PHIP: variants seen among roughly 807,000 people sequenced by gnomAD.
PHIP encodes PHIP subunit of CUL4-Ring ligase complex.
PHIP carries 54 observed loss-of-function variants against 236.8 expected under a neutral mutation model. That is an observed-to-expected ratio of 0.23 (90% CI 0.18 to 0.29). The LOEUF (loss-of-function observed/expected upper bound fraction) is 0.29, where lower values mean the gene tolerates loss of function less well. PHIP is among the 10% of genes least tolerant of loss of function. The probability of loss-of-function intolerance (pLI) is 1.00; values close to 1 mark genes in which losing one functional copy is unlikely to be tolerated. For missense variants in PHIP, 1,370 were observed against 2,190.8 expected (o/e 0.63, Z 7.48); for synonymous variants, 756 against 718.9 (o/e 1.05, Z -0.83).
intron 6 of PHIP, among the ~76,000 whole-genome samples, chr6:79,050,544 T>C (rs1430766529): frequency 6.6e-6 from 1 of 152,224 alleles, no homozygotes; most frequent in Non-Finnish European, 1.5e-5. Context: ...CCAAAGTATG[T>C]ACAGCAGTTA....
At chr6:78,995,639 T>C (rs1769558659) in intron 19 of PHIP, among the ~76,000 whole-genome samples, 1 of 152,262 alleles carries the variant, frequency 6.6e-6, no homozygotes. Context: ...GATTATCTTT[T>C]CATGTGCTTA....
At chr6:79,027,280 C>T (rs1353940257) in intron 7 of PHIP, among the ~76,000 whole-genome samples, 1 of 151,928 alleles carries the variant, frequency 6.6e-6, no homozygotes, top group African/African-American at 2.4e-5. Flanking sequence ...CCTAAAACAC[C>T]CCCCAATTAA....
At chr6:78,969,375 A>C (rs1207771157) in intron 27 of PHIP, among the ~76,000 whole-genome samples, 1 of 152,182 alleles carries the variant, frequency 6.6e-6, no homozygotes, top group African/African-American at 2.4e-5. Flanking sequence ...ATGTAAATTA[A>C]TGCACCTTAA....
In PHIP at chr6:78,997,816, T is replaced by C. The variant is rs140362288; in HGVS notation, c.2018-219A>G. 1.5e-4 allele frequency among the ~76,000 whole-genome samples: 23 copies of C among 152,254 alleles called. 1 individual carries two copies. The highest frequency in any genetic ancestry group is 7.9e-4 in the Admixed American group (12 of 15,286). ...TAGATAAGTCAATGAATCATAACTATAGACTATTAAGCCCCAAGGATACAA... is the reference window on the plus strand; with the variant it reads ...TAGATAAGTCAATGAATCATAACTACAGACTATTAAGCCCCAAGGATACAA... On this transcript the variant is annotated intron_variant, in intron 18 of 39. Coordinates refer to ENST00000275034, the MANE Select transcript of PHIP (RefSeq NM_017934.7).
At chr6:79,026,671 G>C (rs1459132279) in intron 7 of PHIP, among the ~76,000 whole-genome samples, 2 of 151,898 alleles carry the variant, frequency 1.3e-5, no homozygotes, top group Non-Finnish European at 2.9e-5. Flanking sequence ...AATCTCATCT[G>C]TATGAAGTCA....
At chr6:79,073,829 G>A (rs962595586) in intron 4 of PHIP, among the ~76,000 whole-genome samples, 7 of 152,108 alleles carry the variant, frequency 4.6e-5, no homozygotes, top group Non-Finnish European at 4.4e-5. Context: ...TACCACCAAA[G>A]AATGGCACTA....
At chr6:79,032,522 AACT>A (rs1053229770) in intron 7 of PHIP, among the ~76,000 whole-genome samples, 1 of 152,150 alleles carries the variant, frequency 6.6e-6, no homozygotes. Flanking sequence ...CATCTCAAGA[AACT>A]ACTTTCTTTG....
intron 32 of PHIP, 107 bp downstream of exon 32, chr6:78,958,368 C>T: frequency 1.4e-6 from 1 of 735,014 alleles, no homozygotes; most frequent in Non-Finnish European, 2.2e-6. Context: ...ATTTTGGCTA[C>T]TCTTAAATGT....
chr6:78,986,818 C>T (rs1296753870), intron 21 of PHIP, among the ~76,000 whole-genome samples: 2 of 152,076 alleles, frequency 1.3e-5, no homozygotes, highest in Non-Finnish European at 2.9e-5. Context: ...ATCACATTTG[C>T]ATATTTTATT....
chr6:78,964,709 T>A (rs1767020559), intron 29 of PHIP, among the ~76,000 whole-genome samples: 1 of 152,132 alleles, frequency 6.6e-6, no homozygotes, highest in Non-Finnish European at 1.5e-5. Flanking sequence ...GTCAGGCTGC[T>A]CTCCAACACC....
At chr6:79,050,927 C>T (rs905800226) in intron 6 of PHIP, among the ~76,000 whole-genome samples, 1 of 152,100 alleles carries the variant, frequency 6.6e-6, no homozygotes, top group Non-Finnish European at 1.5e-5. Flanking sequence ...TAAGATAATA[C>T]TACAAAGCAG....
intron 17 of PHIP, among the ~76,000 whole-genome samples, chr6:79,000,322 A>AT (rs1769902416): frequency 6.6e-6 from 1 of 151,978 alleles, no homozygotes; most frequent in South Asian, 2.1e-4. Context: ...TATCTATTTC[A>AT]TTTTTAAGAT....
intron 35 of PHIP, among the ~76,000 whole-genome samples, chr6:78,949,325 G>A (rs566946267): frequency 6.6e-6 from 1 of 152,244 alleles, no homozygotes; most frequent in East Asian, 1.9e-4. Flanking sequence ...GGCAGTCTTA[G>A]TGAGGGGTTC....
At chr6:78,949,440 T>A (rs1774016726) in intron 35 of PHIP, among the ~76,000 whole-genome samples, 1 of 152,110 alleles carries the variant, frequency 6.6e-6, no homozygotes, top group Non-Finnish European at 1.5e-5. Context: ...TTCCCTGTTT[T>A]AAATCATCTC....
intron 19 of PHIP, among the ~76,000 whole-genome samples, chr6:78,996,397 TAACA>T (rs1769619173): frequency 6.6e-6 from 1 of 152,220 alleles, no homozygotes; most frequent in Non-Finnish European, 1.5e-5. Context: ...AAAGTGATAG[TAACA>T]AACAGTGATA....
At chr6:79,070,351 T>C (rs753671955) in intron 4 of PHIP, among the ~76,000 whole-genome samples, 1 of 152,184 alleles carries the variant, frequency 6.6e-6, no homozygotes, top group South Asian at 2.1e-4. Context: ...GTAAATAATC[T>C]TGAATGACCA....
At chr6:78,976,022 T>G (rs977565305) in intron 24 of PHIP, among the ~76,000 whole-genome samples, 21 of 151,928 alleles carry the variant, frequency 1.4e-4, no homozygotes, top group Non-Finnish European at 2.2e-4. Flanking sequence ...TGGAAAAAAC[T>G]ACTTTAAAGT....
At chr6:79,028,447 T>G (rs1771510700) in intron 7 of PHIP, among the ~76,000 whole-genome samples, 1 of 151,990 alleles carries the variant, frequency 6.6e-6, no homozygotes, top group South Asian at 2.1e-4. Context: ...ATAACAGCTG[T>G]TTGGGGAATA....
intron 6 of PHIP, among the ~76,000 whole-genome samples, chr6:79,050,233 A>G (rs1423820858): frequency 6.6e-6 from 1 of 152,200 alleles, no homozygotes; most frequent in Non-Finnish European, 1.5e-5. Flanking sequence ...TACGACGTGT[A>G]GCAAATTTAG....
Sources: gnomAD v4.1 joint callset for allele counts (sites outside exome capture counted in the v4.1 genomes callset) on GRCh38, gnomAD v4.1.1 for gene constraint, MANE v1.5 for transcripts, NCBI Gene and HGNC (gene_info 2026-07-23, HGNC 2026-07-21) for gene names.